The following NEMF variants were observed in gnomAD, a reference collection of about 807,000 sequenced individuals.
NEMF encodes nuclear export mediator factor, also known as ribosome quality control complex subunit NEMF.
In NEMF, 89 loss-of-function variants were observed where a neutral mutation model predicts 162.2. The ratio of observed to expected loss-of-function variants is 0.55; its 90% confidence interval spans 0.46 to 0.65. NEMF has a LOEUF of 0.65. NEMF is among the 30% of genes least tolerant of loss of function. The probability of loss-of-function intolerance (pLI) is 0.00; values close to 1 mark genes in which losing one functional copy is unlikely to be tolerated. For synonymous variants in NEMF, 421 were observed against 404.5 expected (o/e 1.04, Z -0.49); for missense variants, 1,133 against 1,261.9 (o/e 0.90, Z 1.55).
chr14:49,835,458 A>C (rs1892853086), intron 6 of NEMF, among the ~76,000 whole-genome samples: 2 of 152,208 alleles, frequency 1.3e-5, no homozygotes, highest in African/African-American at 4.8e-5. Flanking sequence ...ATTTGACAAA[A>C]TTCAACACTA....
chr14:49,806,228 ATGTG>A (rs1555346800), intron 18 of NEMF, 95 bp from the exon 19 acceptor site: 2 of 142,578 alleles, frequency 1.4e-5, no homozygotes, highest in East Asian at 1.5e-4. Context: ...GGTCAATGAT[ATGTG>A]TATATATATA....
At position 49,795,940 on chromosome 14, in the gene NEMF, T is replaced by C. The variant is rs1890674156; in HGVS notation, c.2470A>G (p.Met824Val). 1.9e-6 allele frequency: 3 copies of C among 1,585,702 alleles called. No homozygotes were observed. The East Asian group carries it at 6.7e-5, about 35-fold the overall frequency. The change falls in exon 26 of 33, where the codon ATG becomes GTG. Residue 824 changes from methionine (M) to valine (V), a missense_variant. Met to Val is a conservative substitution (Grantham distance 21, BLOSUM62 1). This residue lies in a region of NEMF where 532 missense variants were observed against 578.6 expected (regional missense o/e 0.92). Transcript: ENST00000298310. The part of the protein sequence containing the change: ...RHLSAKERRE[M>V]KKKKLPSDSG... Reference sequence around the variant, plus strand: ...TCACTTGGAAGTTTTTTCTTTTTCATTTCCCTGAATAAAAAAGACATGAAA... The same window carrying C: ...TCACTTGGAAGTTTTTTCTTTTTCACTTCCCTGAATAAAAAAGACATGAAA...
chr14:49,796,392 C>T lies in NEMF; in HGVS notation c.2466-448G>A, dbSNP rs1594735542. 4 of 422,382 alleles carry T rather than the reference C, an allele frequency of 9.5e-6. No homozygotes were observed. The East Asian group carries it at 2.9e-4, about 31-fold the overall frequency. The allele number at this position is 422,382 out of a possible 1,614,324, so 26.2% of individuals were successfully genotyped here. ...TAAATTTTATTACTGTGGTATTCTTCTTTCTGTTCCCAATGCCAACGTCTT... is the reference window on the plus strand; with the variant it reads ...TAAATTTTATTACTGTGGTATTCTTTTTTCTGTTCCCAATGCCAACGTCTT... On this transcript the variant is annotated intron_variant, in intron 25 of 32. Coordinates refer to ENST00000298310, the MANE Select transcript of NEMF (RefSeq NM_004713.6).
intron 5 of NEMF, among the ~76,000 whole-genome samples, chr14:49,838,672 C>T (rs1893033105): frequency 1.3e-5 from 2 of 151,232 alleles, no homozygotes; most frequent in South Asian, 4.2e-4. Flanking sequence ...ACAAGCTCCG[C>T]CTCCTGGGTT....
rs751277760 is a variant in NEMF at position 49,829,065 on chromosome 14, T to C, written c.1221A>G (p.Thr407=). The C allele has an allele frequency of 5.3e-5, 85 of 1,613,948 alleles. No individual in the cohort carries two copies. Among genetic ancestry groups the C allele is most frequent in the Non-Finnish European group, 7.2e-5 (85 of 1,179,796 alleles). Residue 407 remains threonine (T), a synonymous_variant, in exon 13 of 33, where the codon ACA becomes ACG. Transcript: ENST00000298310. The part of the protein sequence containing the change: ...KELKLQTNHV[T]MLLRNPYLLS... ...AGAGTCAAACTTACCTTAGCAGCAT[T>C]GTAACATGGTTTGTTTGTAGTTTTA...
Position 49,789,264 on chromosome 14 carries a change from G to T in NEMF, c.2777C>A (p.Pro926His). 6.2e-7 allele frequency: 1 copy of T among 1,614,026 alleles called. No homozygotes were observed. Among genetic ancestry groups the T allele is most frequent in the Non-Finnish European group, 8.5e-7 (1 of 1,179,996 alleles). ...KTKDEPVKKQ[P>H]QKPRGGQRVS... ...CCTCTGTCCACCTCTAGGTTTCTGGGGCTGTTTCTTCACAGGTTCGTCCTT... is the reference window on the plus strand; with the variant it reads ...CCTCTGTCCACCTCTAGGTTTCTGGTGCTGTTTCTTCACAGGTTCGTCCTT... Residue 926 changes from proline (P) to histidine (H), a missense_variant, in exon 28 of 33, where the codon CCC becomes CAC. Coordinates refer to ENST00000298310, the MANE Select transcript of NEMF (RefSeq NM_004713.6).
At chr14:49,844,770 T>C (rs1566710856) in intron 4 of NEMF, 2 of 354,936 alleles carry the variant, frequency 5.6e-6, no homozygotes, top group African/African-American at 2.7e-5. Flanking sequence ...CACACATATA[T>C]TTTTTTTTTC....
At chr14:49,793,906 CT>C (rs11324187) in intron 26 of NEMF, among the ~76,000 whole-genome samples, 143,302 of 148,626 alleles carry the variant, frequency 0.96, 69,263 homozygotes, top group South Asian at 1. Flanking sequence ...TCTGTCATCA[CT>C]TTTTTTTTTT....
chr14:49,824,814 G>A (rs140941162), intron 16 of NEMF, among the ~76,000 whole-genome samples: 67 of 151,888 alleles, frequency 4.4e-4, no homozygotes, highest in Middle Eastern at 3.4e-3. Flanking sequence ...TGAAGCTTCT[G>A]GAACACACAC....
chr14:49,811,956 A>C (rs1310417795), intron 18 of NEMF, among the ~76,000 whole-genome samples: 1 of 152,090 alleles, frequency 6.6e-6, no homozygotes, highest in Non-Finnish European at 1.5e-5. Flanking sequence ...AAGTGTTCCC[A>C]CTGATCCTAT....
At chr14:49,794,996 G>C (rs996211375) in intron 26 of NEMF, among the ~76,000 whole-genome samples, 1 of 151,950 alleles carries the variant, frequency 6.6e-6, no homozygotes, top group Non-Finnish European at 1.5e-5. Context: ...GAGATTACAC[G>C]CATGAGCCAC....
intron 12 of NEMF, 28 bp downstream of exon 12, chr14:49,829,321 A>G (rs760144802): frequency 1.2e-6 from 2 of 1,613,782 alleles, no homozygotes. Flanking sequence ...CATTTTTGAA[A>G]AAGCACTGAG....
chr14:49,802,158 G>A (rs1890984930), intron 22 of NEMF, among the ~76,000 whole-genome samples: 1 of 151,740 alleles, frequency 6.6e-6, no homozygotes, highest in Admixed American at 6.6e-5. Context: ...TGTTGCCCAG[G>A]CTGGTCTCAA....
intron 3 of NEMF, among the ~76,000 whole-genome samples, chr14:49,851,304 G>C (rs755995378): frequency 1.3e-5 from 2 of 152,238 alleles, no homozygotes; most frequent in African/African-American, 2.4e-5. Flanking sequence ...TTAAGGAACT[G>C]TAAGGCTGAA....
intron 13 of NEMF, 35 bp from the exon 14 acceptor site, chr14:49,828,842 C>G (rs781087867): frequency 6.8e-7 from 1 of 1,463,132 alleles, no homozygotes; most frequent in South Asian, 1.4e-5. Context: ...TCACTAACGT[C>G]AATGACATCA....
chr14:49,801,354 G>A (rs946827734), intron 22 of NEMF: 1 of 152,184 alleles, frequency 6.6e-6, no homozygotes, highest in Admixed American at 6.5e-5. Flanking sequence ...CAGGCGTGGT[G>A]GCAGGCGCCT....
At chr14:49,802,398 C>T in intron 22 of NEMF, 55 bp downstream of exon 22, 3 of 1,579,928 alleles carry the variant, frequency 1.9e-6, no homozygotes, top group South Asian at 1.1e-5. Flanking sequence ...GATTTAGAAG[C>T]AAAACTAGGT....
chr14:49,795,698 TGGCCTACA>T, intron 26 of NEMF, 85 bp downstream of exon 26: 1 of 1,155,342 alleles, frequency 8.7e-7, no homozygotes, highest in Admixed American at 2.3e-5. Flanking sequence ...GATTATTTTT[TGGCCTACA>T]TTTTCTATTT....
intron 26 of NEMF, among the ~76,000 whole-genome samples, chr14:49,790,117 G>C (rs1265488613): frequency 6.6e-6 from 1 of 152,098 alleles, no homozygotes; most frequent in Non-Finnish European, 1.5e-5. Flanking sequence ...TGTTAACTGG[G>C]ACTGAAATAA....
Sources: gnomAD v4.1 joint callset for allele counts (sites outside exome capture counted in the v4.1 genomes callset) on GRCh38, gnomAD v4.1.1 for gene constraint, gnomAD v4.1.1 regional missense constraint, MANE v1.5 for transcripts, NCBI Gene and HGNC (gene_info 2026-07-23, HGNC 2026-07-21) for gene names.